Variants in STAB2 observed in about 807,000 individuals in gnomAD.
The protein encoded by STAB2 is stabilin-2.
Under a neutral mutation model 338.1 loss-of-function variants are expected in STAB2, and 288 were observed. That is an observed-to-expected ratio of 0.85 (90% CI 0.77 to 0.94). STAB2 has a LOEUF of 0.94. Among genes scored for constraint, STAB2 ranks in the 40% least tolerant of loss-of-function variants. STAB2 has a pLI of 0.00. For missense variants in STAB2, 3,141 were observed against 3,210.1 expected (o/e 0.98, Z 0.52); for synonymous variants, 1,202 against 1,193.3 (o/e 1.01, Z -0.15).
At chr12:103,742,660 C>G (rs1279172257) in intron 56 of STAB2, 106 bp downstream of exon 56, 2 of 1,528,352 alleles carry the variant, frequency 1.3e-6, no homozygotes, top group Non-Finnish European at 1.8e-6. Flanking sequence ...TGTCCTTTCT[C>G]TCAGCCACAC....
In STAB2 at chr12:103,766,451, T is replaced by C. The variant is rs760890977; in HGVS notation, c.*115T>C. 4 of 1,207,836 alleles carry C rather than the reference T, an allele frequency of 3.3e-6. No homozygotes were observed. Among genetic ancestry groups the C allele is most frequent in the Admixed American group, 2.4e-5 (1 of 41,334 alleles). The allele number at this position is 1,207,836 out of a possible 1,614,324, so 74.8% of individuals were successfully genotyped here. A position where few individuals can be genotyped will look rare whatever the true frequency, so the allele number is the denominator to read the frequency against. ...AAGTCCTTTAAGCACTCAGAAGCCA[T>C]ACCTCATCTCTCTGGCTGATCTGGG... On this transcript the variant is annotated 3_prime_UTR_variant, in exon 69 of 69. Transcript: ENST00000388887.
intron 5 of STAB2, 146 bp downstream of exon 5, chr12:103,622,257 C>A (rs1957313682): frequency 6.3e-6 from 5 of 798,706 alleles, no homozygotes; most frequent in South Asian, 1.9e-5. Context: ...TTTAATCGGG[C>A]AATGAACAAT....
At chr12:103,628,816 G>C (rs1957418380) in intron 5 of STAB2, among the ~76,000 whole-genome samples, 1 of 152,026 alleles carries the variant, frequency 6.6e-6, no homozygotes. Flanking sequence ...GAAGTACTGG[G>C]GATGAGGACT....
chr12:103,592,687 C>T (rs1272238348), intron 2 of STAB2, among the ~76,000 whole-genome samples: 2 of 152,084 alleles, frequency 1.3e-5, no homozygotes, highest in African/African-American at 4.8e-5. Context: ...AAAGTTTTCT[C>T]CCCCCTCTTT....
chr12:103,616,268 A>G (rs1957209254), intron 3 of STAB2, among the ~76,000 whole-genome samples: 2 of 152,166 alleles, frequency 1.3e-5, no homozygotes, highest in Admixed American at 6.5e-5. Flanking sequence ...ATGTTCTGCC[A>G]CATGTGTTAT....
chr12:103,637,233 G>T lies in STAB2; in HGVS notation c.706G>T (p.Asp236Tyr). The T allele has an allele frequency of 6.2e-7, 1 of 1,609,510 alleles. No homozygotes were observed. The highest frequency in any genetic ancestry group is 1.1e-5 in the South Asian group (1 of 90,080). The stretch of plus-strand genomic sequence containing the variant: ...TTACCGAGGCGATGGCAAATACTGC[G>T]ACCGTGAGTAGAATTTAGATTCTGC... ...PNYRGDGKYC[D>Y]PINPCLRKIC... Residue 236 changes from aspartate to tyrosine, a missense_variant, in exon 7 of 69, where the codon GAC (aspartate) becomes TAC (tyrosine). By Grantham distance (160) the Asp-to-Tyr change is radical. Transcript: ENST00000388887.
At chr12:103,627,173 A>G (rs1409011220) in intron 5 of STAB2, among the ~76,000 whole-genome samples, 1 of 152,136 alleles carries the variant, frequency 6.6e-6, no homozygotes, top group Non-Finnish European at 1.5e-5. Flanking sequence ...TTGACCCCAC[A>G]TATGTGACTC....
chr12:103,655,182 G>A, intron 13 of STAB2, 69 bp from the exon 14 acceptor site: 2 of 1,439,852 alleles, frequency 1.4e-6, no homozygotes, highest in Non-Finnish European at 1.9e-6. Context: ...GTCTTTAAAT[G>A]TTAGAATTTG....
intron 47 of STAB2, 105 bp from the exon 48 acceptor site, chr12:103,728,744 G>A: frequency 7.1e-7 from 1 of 1,414,658 alleles, no homozygotes; most frequent in South Asian, 1.3e-5. Context: ...GAGTCTGGGT[G>A]GGCCGAGAGG....
chr12:103,716,019 G>T (rs1304680988), intron 43 of STAB2, 131 bp downstream of exon 43: 1 of 983,164 alleles, frequency 1.0e-6, no homozygotes, highest in Non-Finnish European at 1.5e-6. Flanking sequence ...TACTTTAGGG[G>T]AAATTCTGAA....
At chr12:103,690,293 G>T (rs1877812279) in intron 29 of STAB2, 131 bp from the exon 30 acceptor site, 1 of 820,026 alleles carries the variant, frequency 1.2e-6, no homozygotes, top group South Asian at 1.8e-5. Context: ...TCTAGCCAAG[G>T]CTGGTAACTG....
At chr12:103,697,689 A>C (rs1325090959) in intron 33 of STAB2, among the ~76,000 whole-genome samples, 1 of 152,278 alleles carries the variant, frequency 6.6e-6, no homozygotes, top group Non-Finnish European at 1.5e-5. Context: ...TACCAATTAC[A>C]TAAACTGAGA....
chr12:103,666,067 A>T (rs1462245917), intron 18 of STAB2, among the ~76,000 whole-genome samples: 3 of 152,200 alleles, frequency 2.0e-5, no homozygotes, highest in Non-Finnish European at 4.4e-5. Flanking sequence ...GAGCAGGCTC[A>T]GTTTTCTCTC....
chr12:103,615,879 A>T (rs949796427), intron 3 of STAB2, among the ~76,000 whole-genome samples: 1 of 152,194 alleles, frequency 6.6e-6, no homozygotes, highest in African/African-American at 2.4e-5. Flanking sequence ...CACGGGGGAA[A>T]CTGCCCCATG....
Position 103,758,292 on chromosome 12 carries a change from G to A in STAB2, c.7107+3G>A. On this transcript the variant is annotated splice_donor_region_variant and intron_variant, in intron 64 of 68. Transcript: ENST00000388887. Reference sequence around the variant, plus strand: ...ACAGTGGGCTGGGGGAGAATGAGGTGAGTTGAGTCCCTGGTGCCTTTGCTT... The same window carrying A: ...ACAGTGGGCTGGGGGAGAATGAGGTAAGTTGAGTCCCTGGTGCCTTTGCTT... The A allele has an allele frequency of 6.2e-7, 1 of 1,613,188 alleles. No individual in the cohort carries two copies. The highest frequency in any genetic ancestry group is 8.5e-7 in the Non-Finnish European group (1 of 1,180,020).
chr12:103,689,815 C>T, intron 28 of STAB2, 31 bp from the exon 29 acceptor site: 1 of 1,604,026 alleles, frequency 6.2e-7, no homozygotes, highest in Non-Finnish European at 8.5e-7. Context: ...CTAACATAAG[C>T]AGGTCACTTT....
intron 3 of STAB2, among the ~76,000 whole-genome samples, chr12:103,609,898 G>A (rs563724639): frequency 1.3e-5 from 2 of 152,136 alleles, no homozygotes; most frequent in Non-Finnish European, 2.9e-5. Flanking sequence ...TTGCATGAAG[G>A]GCTGTTGAAT....
intron 17 of STAB2, 147 bp downstream of exon 17, chr12:103,660,910 G>T: frequency 1.2e-6 from 1 of 864,620 alleles, no homozygotes; most frequent in South Asian, 1.6e-5. Context: ...TCTCTCAGCA[G>T]ATATGTGCTG....
chr12:103,587,422 A>G lies in STAB2; in HGVS notation c.-55A>G. ...TGGGAGTTTATCAAACTAAGTTAAA[A>G]TAGCTAAGTCAGCCTGACAGGTGCT... On this transcript the variant is annotated 5_prime_UTR_variant, in exon 1 of 69. Coordinates refer to ENST00000388887, the MANE Select transcript of STAB2 (RefSeq NM_017564.10). 1.4e-6 allele frequency: 2 copies of G among 1,425,250 alleles called. No individual in the cohort carries two copies. Among genetic ancestry groups the G allele is most frequent in the Non-Finnish European group, 2.0e-6 (2 of 1,020,690 alleles). 88.3% of individuals were successfully genotyped at this position (1,425,250 alleles called of 1,614,324 possible).
Sources: allele counts gnomAD v4.1 joint callset (sites outside exome capture counted in the v4.1 genomes callset), GRCh38; gene constraint gnomAD v4.1.1; transcripts MANE v1.5; gene names NCBI Gene and HGNC (gene_info 2026-07-23, HGNC 2026-07-21).